The following HP1BP3 variants were observed in gnomAD, a reference collection of about 807,000 sequenced individuals.
The protein encoded by HP1BP3 is heterochromatin protein 1-binding protein 3.
HP1BP3 carries 12 observed loss-of-function variants against 62.5 expected under a neutral mutation model. The observed-to-expected ratio is 0.19, with a 90% confidence interval of 0.12 to 0.31. The LOEUF is 0.31. Ranked by LOEUF, HP1BP3 falls within the 10% of genes least tolerant of loss-of-function variation. HP1BP3 has a pLI of 1.00. For missense variants in HP1BP3, 502 were observed against 651.8 expected (o/e 0.77, Z 2.50); for synonymous variants, 260 against 237.8 (o/e 1.09, Z -0.86).
rs771339636 is a variant in HP1BP3, at chr1:20,780,963, TTAAAG to T, written c.-100-428_-100-424del. Among the ~76,000 whole-genome samples the T allele has an allele frequency of 4.0e-5, 6 of 151,842 alleles. No individual in the cohort carries two copies. The East Asian group carries it at 5.9e-4, about 15-fold the overall frequency. On this transcript the variant is annotated intron_variant, in intron 1 of 12. Coordinates refer to ENST00000438032, the MANE Select transcript of HP1BP3 (RefSeq NM_001372052.1). ...ACTGTAATCTTAAACTCTATCTCTA[TTAAAG>T]TACTTTTTTTTTCCTTCTATTAAGG...
rs529526046 is a variant in HP1BP3, at chr1:20,774,353, C to T, written c.351-743G>A. ...ACGCCATCTCCATTAAACACACACACACACACACAAACACACCCACACCCA... is the reference window on the plus strand; with the variant it reads ...ACGCCATCTCCATTAAACACACACATACACACACAAACACACCCACACCCA... On this transcript the variant is annotated intron_variant, in intron 4 of 12. Coordinates refer to ENST00000438032, the MANE Select transcript of HP1BP3 (RefSeq NM_001372052.1). The T allele has an allele frequency of 2.0e-5, 3 of 151,612 alleles. No homozygotes were observed. The Admixed American group carries it at 2.0e-4, about 10-fold the overall frequency. The allele number at this position is 151,612 out of a possible 1,614,324, so 9.4% of individuals were successfully genotyped here.
intron 5 of HP1BP3, among the ~76,000 whole-genome samples, chr1:20,771,494 T>C (rs2057058296): frequency 6.6e-6 from 1 of 152,192 alleles, no homozygotes; most frequent in Non-Finnish European, 1.5e-5. Flanking sequence ...CTGAAGGCTC[T>C]GTATGAATGT....
At chr1:20,751,180 A>G (rs2055725046) in intron 9 of HP1BP3, among the ~76,000 whole-genome samples, 1 of 152,032 alleles carries the variant, frequency 6.6e-6, no homozygotes, top group East Asian at 1.9e-4. Context: ...GCTTTATTAT[A>G]AGAGTACATT....
In HP1BP3 at chr1:20,780,496, C is replaced by T. The variant is rs978507763; in HGVS notation, c.-56G>A. On this transcript the variant is annotated 5_prime_UTR_variant, in exon 2 of 13. Coordinates refer to ENST00000438032, the MANE Select transcript of HP1BP3 (RefSeq NM_001372052.1). ...TACACTCTGAAGCCTCTGCTGTTAACCACAAGGATTTTTCCTAATGGTTTC... is the reference window on the plus strand; with the variant it reads ...TACACTCTGAAGCCTCTGCTGTTAATCACAAGGATTTTTCCTAATGGTTTC... 2 of 1,261,532 alleles carry T rather than the reference C, an allele frequency of 1.6e-6. No homozygotes were observed. Among genetic ancestry groups the T allele is most frequent in the African/African-American group, 2.9e-5 (2 of 68,152 alleles). The allele number at this position is 1,261,532 out of a possible 1,614,324, so 78.1% of individuals were successfully genotyped here.
At chr1:20,750,052 C>G in intron 9 of HP1BP3, 170 bp from the exon 10 acceptor site, 1 of 1,340,774 alleles carries the variant, frequency 7.5e-7, no homozygotes, top group Non-Finnish European at 9.7e-7. Context: ...GGTATTCAAT[C>G]TAACTGAGAA....
chr1:20,776,431 G>A (rs1011794126), intron 4 of HP1BP3, 166 bp downstream of exon 4: 1 of 605,394 alleles, frequency 1.7e-6, no homozygotes, highest in Non-Finnish European at 2.8e-6. Flanking sequence ...ATTCTAACAG[G>A]TCAAACAACT....
At chr1:20,771,229 G>T (rs1213937343) in intron 5 of HP1BP3, among the ~76,000 whole-genome samples, 156 bp from the exon 6 acceptor site, 1 of 152,166 alleles carries the variant, frequency 6.6e-6, no homozygotes, top group Non-Finnish European at 1.5e-5. Flanking sequence ...AATGACTACA[G>T]AGAAGTAACA....
intron 8 of HP1BP3, among the ~76,000 whole-genome samples, chr1:20,762,418 T>C (rs2056535417): frequency 6.6e-6 from 1 of 150,440 alleles, no homozygotes; most frequent in Non-Finnish European, 1.5e-5. Context: ...GAAAAAAAAA[T>C]GGGGGAAGAT....
chr1:20,750,322 A>AACACACACACACAC (rs67464129), intron 9 of HP1BP3: 1 of 139,092 alleles, frequency 7.2e-6, no homozygotes, highest in Non-Finnish European at 1.5e-5. Flanking sequence ...CTCTACTAAA[A>AACACACACACACAC]ACACACACAC....
In HP1BP3 at chr1:20,745,602, TTCATCC is replaced by T. The variant is rs781589210; in HGVS notation, c.1302_1307del (p.Asp439_Glu440del). ...CTTCTTCTGATGACTCATCTTCATC[TTCATCC>T]TCATCTCTAGAATCATCTGGCTCTT... On this transcript the variant is annotated inframe_deletion, in exon 12 of 13. Coordinates refer to ENST00000438032, the MANE Select transcript of HP1BP3 (RefSeq NM_001372052.1). 1 of 1,613,804 alleles carries T rather than the reference TTCATCC, an allele frequency of 6.2e-7. No individual in the cohort carries two copies. The highest frequency in any genetic ancestry group is 1.3e-5 in the African/African-American group (1 of 74,926).
intron 9 of HP1BP3, among the ~76,000 whole-genome samples, chr1:20,756,086 A>G (rs1045186596): frequency 6.6e-6 from 1 of 152,222 alleles, no homozygotes; most frequent in African/African-American, 2.4e-5. Context: ...ACAATTCTAT[A>G]AAGTTACTGA....
intron 3 of HP1BP3, 116 bp from the exon 4 acceptor site, chr1:20,776,866 T>C (rs1243995271): frequency 8.3e-6 from 7 of 848,484 alleles, no homozygotes; most frequent in Non-Finnish European, 1.2e-5. Context: ...AACAAATGAA[T>C]TCTAAAATGA....
rs1402201010 is a variant in HP1BP3, at chr1:20,780,361, G to A, written c.80C>T (p.Ala27Val). ...PLIVGAQLIH[A>V]DKLGEKVEDS... ...AGCCCCTACCTCACCTAACTTGTCCGCGTGGATCAGCTGAGCTCCTACTAT... is the reference window on the plus strand; with the variant it reads ...AGCCCCTACCTCACCTAACTTGTCCACGTGGATCAGCTGAGCTCCTACTAT... The change falls in exon 2 of 13, where the codon GCG becomes GTG. Residue 27 changes from alanine to valine, a missense_variant. Coordinates refer to ENST00000438032, the MANE Select transcript of HP1BP3 (RefSeq NM_001372052.1). 4 of 1,613,004 alleles carry A rather than the reference G, an allele frequency of 2.5e-6. No individual in the cohort carries two copies. Among genetic ancestry groups the A allele is most frequent in the South Asian group, 1.1e-5 (1 of 91,068 alleles).
rs754945011 is a variant in HP1BP3, at chr1:20,749,840, T to G, written c.1024A>C (p.Met342Leu). The G allele has an allele frequency of 1.8e-5, 29 of 1,613,944 alleles. No individual in the cohort carries two copies. The highest frequency in any genetic ancestry group is 2.3e-5 in the Non-Finnish European group (27 of 1,179,990). The change falls in exon 10 of 13, where the codon ATG (methionine) becomes CTG (leucine). Residue 342 changes from methionine (M) to leucine (L), a missense_variant. By Grantham distance (15) the Met-to-Leu change is conservative. Coordinates refer to ENST00000438032, the MANE Select transcript of HP1BP3 (RefSeq NM_001372052.1). ...ATGGCAGACAAGATTGCATATTCCA[T>G]CAGGCTTCCACCAAGCAGGGGTTTC... Reference protein sequence around the residue: ...GEKPLLGGSLMEYAILSAIAA... With the variant: ...GEKPLLGGSLLEYAILSAIAA...
At chr1:20,784,846 T>C (rs1356020182) in intron 1 of HP1BP3, among the ~76,000 whole-genome samples, 2 of 152,260 alleles carry the variant, frequency 1.3e-5, no homozygotes, top group African/African-American at 2.4e-5. Context: ...GTGGTTTACA[T>C]GGTCCTCTTA....
intron 3 of HP1BP3, among the ~76,000 whole-genome samples, chr1:20,778,063 C>T (rs2057380407): frequency 6.6e-6 from 1 of 152,204 alleles, no homozygotes; most frequent in South Asian, 2.1e-4. Context: ...CAAGAATTTA[C>T]TATTAGTTAG....
chr1:20,769,450 C>T (rs936086959), intron 6 of HP1BP3, among the ~76,000 whole-genome samples: 2 of 152,042 alleles, frequency 1.3e-5, no homozygotes, highest in African/African-American at 2.4e-5. Context: ...CCCAGGTACT[C>T]GGGAGGCTGA....
At chr1:20,783,425 A>G (rs1302555402) in intron 1 of HP1BP3, among the ~76,000 whole-genome samples, 1 of 152,080 alleles carries the variant, frequency 6.6e-6, no homozygotes, top group African/African-American at 2.4e-5. Context: ...AGGCTGAGGG[A>G]GAAGAATCAC....
chr1:20,753,749 C>A (rs561934434), intron 9 of HP1BP3, among the ~76,000 whole-genome samples: 1 of 152,098 alleles, frequency 6.6e-6, no homozygotes. Context: ...ACAGACCACA[C>A]GAACAAAGGA....
Sources: allele counts gnomAD v4.1 joint callset (sites outside exome capture counted in the v4.1 genomes callset), GRCh38; gene constraint gnomAD v4.1.1; transcripts MANE v1.5; gene names NCBI Gene and HGNC (gene_info 2026-07-23, HGNC 2026-07-21).